The following FAM184A variants were observed in gnomAD, a reference collection of about 807,000 sequenced individuals.
FAM184A encodes protein FAM184A.
FAM184A carries 99 observed loss-of-function variants against 143.8 expected under a neutral mutation model. The ratio of observed to expected loss-of-function variants is 0.69; its 90% CI spans 0.58 to 0.81. The LOEUF is 0.81. Ranked by LOEUF, FAM184A falls within the 40% of genes least tolerant of loss-of-function variation. The pLI is 0.00. For missense variants in FAM184A, 1,217 were observed against 1,310.5 expected, an observed-to-expected ratio of 0.93 and a Z score of 1.10; for synonymous variants, 427 against 446.4, an observed-to-expected ratio of 0.96 and a Z score of 0.55.
At chr6:119,130,906 G>A (rs1181353827) in intron 1 of FAM184A, among the ~76,000 whole-genome samples, 2 of 147,980 alleles carry the variant, frequency 1.4e-5, no homozygotes, top group Non-Finnish European at 3.0e-5. Context: ...ACCTAGGCTA[G>A]AGTGCAGTGG....
chr6:119,008,460 CA>C lies in FAM184A; in HGVS notation c.1654-1853del, dbSNP rs572355022. On this transcript the variant is annotated intron_variant, in intron 6 of 17. Transcript: ENST00000338891. ...ATGTGATTGAAGCATGAAGTCAACA[CA>C]AGAACAAACCCAATTTAAGAGAAAA... is the stretch of plus-strand genomic sequence containing the variant. Among the ~76,000 whole-genome samples the C allele has an allele frequency of 4.1e-4, 62 of 152,308 alleles. No homozygotes were observed. The South Asian group carries it at 9.9e-3, about 24-fold the overall frequency.
At chr6:119,041,026 T>C (rs1282553844) in intron 1 of FAM184A, among the ~76,000 whole-genome samples, 2 of 152,204 alleles carry the variant, frequency 1.3e-5, no homozygotes, top group Non-Finnish European at 1.5e-5. Context: ...CTCCCATTTC[T>C]TGAACTACTT....
At chr6:119,020,601 T>C (rs980306701) in intron 3 of FAM184A, among the ~76,000 whole-genome samples, 1 of 152,202 alleles carries the variant, frequency 6.6e-6, no homozygotes, top group African/African-American at 2.4e-5. Context: ...TATTTTCAAA[T>C]TCTAACATAA....
intron 12 of FAM184A, among the ~76,000 whole-genome samples, chr6:118,975,431 C>T (rs1009603499): frequency 2.0e-5 from 3 of 152,088 alleles, no homozygotes; most frequent in African/African-American, 4.8e-5. Flanking sequence ...TACAAAGAAC[C>T]CAAAAGGTCA....
chr6:119,032,901 G>A (rs1348968192), intron 1 of FAM184A, among the ~76,000 whole-genome samples: 1 of 152,100 alleles, frequency 6.6e-6, no homozygotes, highest in Admixed American at 6.5e-5. Context: ...TAAGACATCA[G>A]AGTTAAAGAA....
chr6:118,994,685 CTAAA>C (rs201223261), intron 9 of FAM184A, among the ~76,000 whole-genome samples: 57 of 137,668 alleles, frequency 4.1e-4, no homozygotes, highest in African/African-American at 1.4e-3. Context: ...GACTCCATCT[CTAAA>C]TAAATAAATA....
rs1330897262 is a variant in FAM184A, at chr6:119,024,307, T to C, written c.666A>G (p.Leu222=). The part of the protein sequence containing the change: ...VNKGQEKAEE[L]HRMEVESLNK... ...TTAGGGACTCCACCTCCATTCTGTG[T>C]AGTTCCTCTGCCTTTTCCTGGCCTT... is the stretch of plus-strand genomic sequence containing the variant. Residue 222 remains leucine (L), a synonymous_variant, in exon 2 of 18, where the codon CTA becomes CTG. Transcript: ENST00000338891. The C allele has an allele frequency of 6.2e-7, 1 of 1,614,214 alleles. No individual in the cohort carries two copies. Among genetic ancestry groups the C allele is most frequent in the Non-Finnish European group, 8.5e-7 (1 of 1,180,030 alleles).
chr6:119,098,119 A>T (rs568292014), intron 1 of FAM184A, among the ~76,000 whole-genome samples: 60 of 152,170 alleles, frequency 3.9e-4, no homozygotes, highest in African/African-American at 1.4e-3. Flanking sequence ...GAATCATGGG[A>T]GTGGTTTCCC....
At chr6:119,147,930 A>T (rs1375957310) in intron 1 of FAM184A, among the ~76,000 whole-genome samples, 1 of 152,204 alleles carries the variant, frequency 6.6e-6, no homozygotes, top group Non-Finnish European at 1.5e-5. Context: ...AAGCTTTCCC[A>T]GTGCTTTGCC....
intron 1 of FAM184A, among the ~76,000 whole-genome samples, chr6:119,084,289 G>A (rs965928986): frequency 1.3e-5 from 2 of 152,198 alleles, no homozygotes; most frequent in Non-Finnish European, 2.9e-5. Context: ...AACCATATCA[G>A]GGTTATAGGC....
upstream of FAM184A, among the ~76,000 whole-genome samples, chr6:119,083,088 TG>T (rs1383963965): frequency 6.6e-6 from 1 of 152,238 alleles, no homozygotes; most frequent in Non-Finnish European, 1.5e-5. Context: ...CACCAAGGTT[TG>T]GGGATTACAC....
chr6:119,048,327 G>A (rs779103970), intron 1 of FAM184A, among the ~76,000 whole-genome samples: 48 of 152,134 alleles, frequency 3.2e-4, no homozygotes, highest in Non-Finnish European at 6.6e-4. Flanking sequence ...CACAAGACAA[G>A]GATGCCCTCT....
chr6:119,058,551 A>G (rs1225026383), intron 1 of FAM184A, among the ~76,000 whole-genome samples: 3 of 152,078 alleles, frequency 2.0e-5, no homozygotes, highest in Non-Finnish European at 4.4e-5. Flanking sequence ...TTCACTTGTA[A>G]CCAATAAAAT....
At chr6:119,142,159 G>A (rs143215812) in intron 1 of FAM184A, among the ~76,000 whole-genome samples, 1 of 152,292 alleles carries the variant, frequency 6.6e-6, no homozygotes, top group East Asian at 1.9e-4. Context: ...CTTGGAGAAT[G>A]TTATGCAGGA....
intron 1 of FAM184A, among the ~76,000 whole-genome samples, chr6:119,101,876 T>C (rs1788646023): frequency 6.6e-6 from 1 of 152,022 alleles, no homozygotes; most frequent in South Asian, 2.1e-4. Flanking sequence ...GACAACATGA[T>C]GAAACCCTGT....
intron 1 of FAM184A, among the ~76,000 whole-genome samples, chr6:119,049,218 C>G (rs1395101799): frequency 2.0e-5 from 3 of 152,208 alleles, no homozygotes; most frequent in African/African-American, 7.2e-5. Flanking sequence ...GAGGCCAAGA[C>G]AGGCGGATCA....
In FAM184A at chr6:118,975,210, TG is replaced by T; in HGVS notation, c.2584-3del. On this transcript the variant is annotated splice_polypyrimidine_tract_variant and splice_region_variant and intron_variant, in intron 12 of 17. Coordinates refer to ENST00000338891, the MANE Select transcript of FAM184A (RefSeq NM_024581.6). ...AATTCTACATATGTGCTCCTTACTC[TG>T]TTAAAAAAAAAAAGTCATTTTTAGA... 2 of 1,512,746 alleles carry T rather than the reference TG, an allele frequency of 1.3e-6. No individual in the cohort carries two copies. The highest frequency in any genetic ancestry group is 1.3e-5 in the South Asian group (1 of 77,136). The allele number at this position is 1,512,746 out of a possible 1,614,324, so 93.7% of individuals were successfully genotyped here.
At chr6:118,964,382 T>C (rs761453473) in intron 16 of FAM184A, among the ~76,000 whole-genome samples, 3 of 151,938 alleles carry the variant, frequency 2.0e-5, no homozygotes, top group Non-Finnish European at 4.4e-5. Context: ...CAACAAGAAA[T>C]AGTCTTAAGC....
chr6:118,963,629 T>C (rs1783402060), intron 16 of FAM184A: 1 of 152,080 alleles, frequency 6.6e-6, no homozygotes, highest in South Asian at 2.1e-4. Flanking sequence ...AATTTCTGGG[T>C]AAAGTCCTAA....
Sources: allele counts gnomAD v4.1 joint callset (sites outside exome capture counted in the v4.1 genomes callset), GRCh38; gene constraint gnomAD v4.1.1; transcripts MANE v1.5; gene names NCBI Gene and HGNC (gene_info 2026-07-23, HGNC 2026-07-21).